The following OTOG variants were observed in gnomAD, a reference collection of about 807,000 sequenced individuals.
OTOG encodes otogelin.
In OTOG, 296 loss-of-function variants were observed where a neutral mutation model predicts 313.8. The observed-to-expected ratio is 0.94, with a 90% confidence interval of 0.86 to 1.04. OTOG has a LOEUF of 1.04. Among genes scored for constraint, OTOG ranks in the 50% least tolerant of loss-of-function variants. The pLI, the probability that OTOG is intolerant of heterozygous loss-of-function variation, is 0.00. For synonymous variants in OTOG, 1,533 were observed against 1,554.9 expected, an observed-to-expected ratio of 0.99 and a Z score of 0.33; for missense variants, 3,948 against 3,840.1, an observed-to-expected ratio of 1.03 and a Z score of -0.74.
intron 23 of OTOG, among the ~76,000 whole-genome samples, chr11:17,584,923 A>T (rs1016746906): frequency 5.3e-5 from 8 of 152,258 alleles, no homozygotes; most frequent in Admixed American, 3.3e-4. Flanking sequence ...ATCTTAAACC[A>T]GTCTTACATT....
chr11:17,640,508 C>T lies in OTOG; in HGVS notation c.7936-237C>T, dbSNP rs75694584. Reference sequence around the variant, plus strand: ...AAGGTGAGAAGTAGTGTGAGCCACCCGGGGCTCTGTCCCTCGCTGTGAAAG... The same window carrying T: ...AAGGTGAGAAGTAGTGTGAGCCACCTGGGGCTCTGTCCCTCGCTGTGAAAG... On this transcript the variant is annotated intron_variant, in intron 49 of 55. Transcript: ENST00000399397. 2.9e-4 allele frequency among the ~76,000 whole-genome samples: 44 copies of T among 152,330 alleles called. 1 individual carries two copies. Among genetic ancestry groups the T allele is most frequent in the East Asian group, 7.7e-4 (4 of 5,174 alleles).
intron 4 of OTOG, 81 bp from the exon 5 acceptor site, chr11:17,553,038 C>T (rs1409878027): frequency 2.3e-6 from 3 of 1,304,952 alleles, no homozygotes; most frequent in Non-Finnish European, 3.2e-6. Context: ...GGTCTGGATC[C>T]TGTGAAGCCT....
In OTOG at chr11:17,611,147, C is replaced by T. The variant is rs763746787; in HGVS notation, c.5847C>T (p.Pro1949=). 33 of 1,550,354 alleles carry T rather than the reference C, an allele frequency of 2.1e-5. No individual in the cohort carries two copies. Among genetic ancestry groups the T allele is most frequent in the Non-Finnish European group, 2.5e-5 (29 of 1,146,950 alleles). The change falls in exon 36 of 56, where the codon CCC becomes CCT. Residue 1949 remains proline (P), a synonymous_variant. Coordinates refer to ENST00000399397, the MANE Select transcript of OTOG (RefSeq NM_001292063.2). ...SHPLTPLVAE[P]EGAQAGTALP... Reference sequence around the variant, plus strand: ...CTCTCACGCCCTTGGTGGCTGAGCCCGAGGGAGCCCAGGCAGGCACAGCTC... The same window carrying T: ...CTCTCACGCCCTTGGTGGCTGAGCCTGAGGGAGCCCAGGCAGGCACAGCTC...
chr11:17,599,340 C>A (rs1314039212), intron 30 of OTOG, among the ~76,000 whole-genome samples: 1 of 152,214 alleles, frequency 6.6e-6, no homozygotes, highest in Non-Finnish European at 1.5e-5. Flanking sequence ...ACTCCCACTC[C>A]TTGGTTCTAA....
intron 6 of OTOG, among the ~76,000 whole-genome samples, chr11:17,555,002 T>C (rs1852022328): frequency 1.3e-5 from 2 of 152,234 alleles, no homozygotes; most frequent in South Asian, 2.1e-4. Flanking sequence ...GACCATGGGG[T>C]AGCTTTCACA....
chr11:17,612,721 G>A lies in OTOG; in HGVS notation c.6394G>A (p.Glu2132Lys), dbSNP rs555048192. ...AIYILSQSPD[E>K]MLTVHVLDCK... ...CTACATCCTCAGCCAGAGCCCAGAT[G>A]AAATGCTCACCGTCCATGTACTGGA... The change falls in exon 38 of 56, where the codon GAA becomes AAA. Residue 2132 changes from glutamate (E) to lysine (K), a missense_variant. Glu to Lys is a moderately conservative substitution (Grantham distance 56). Coordinates refer to ENST00000399397, the MANE Select transcript of OTOG (RefSeq NM_001292063.2). 19 of 1,550,486 alleles carry A rather than the reference G, an allele frequency of 1.2e-5. No homozygotes were observed. The highest frequency in any genetic ancestry group is 1.5e-5 in the Non-Finnish European group (17 of 1,146,990).
intron 54 of OTOG, among the ~76,000 whole-genome samples, chr11:17,645,223 G>T (rs1320661096): frequency 1.3e-5 from 2 of 152,196 alleles, no homozygotes; most frequent in African/African-American, 2.4e-5. Flanking sequence ...GGGTAAAGTG[G>T]CCAACACAGC....
intron 35 of OTOG, 66 bp downstream of exon 35, chr11:17,609,275 A>G: frequency 7.0e-7 from 1 of 1,422,670 alleles, no homozygotes; most frequent in Non-Finnish European, 9.7e-7. Flanking sequence ...CTCACTGAGC[A>G]GTCATGCCTC....
intron 3 of OTOG, among the ~76,000 whole-genome samples, chr11:17,550,457 C>A (rs1024600079): frequency 6.6e-6 from 1 of 152,108 alleles, no homozygotes; most frequent in Admixed American, 6.6e-5. Flanking sequence ...CTAAGGGGTT[C>A]GTGGCATAAA....
chr11:17,634,788 A>G (rs1854220182), intron 44 of OTOG, 56 bp from the exon 45 acceptor site: 12 of 1,420,124 alleles, frequency 8.4e-6, no homozygotes, highest in Non-Finnish European at 1.2e-5. Flanking sequence ...TCTCCACTGG[A>G]GAGCAGTGGG....
At chr11:17,613,961 C>T (rs779365488) in intron 39 of OTOG, among the ~76,000 whole-genome samples, 5 of 152,080 alleles carry the variant, frequency 3.3e-5, no homozygotes, top group Non-Finnish European at 5.9e-5. Flanking sequence ...GTCGGAAAGG[C>T]AAAGAGACAG....
At chr11:17,640,870 C>G in intron 50 of OTOG, 43 bp from the exon 51 acceptor site, 1 of 1,549,536 alleles carries the variant, frequency 6.5e-7, no homozygotes, top group Non-Finnish European at 8.7e-7. Context: ...GGCATGGGTG[C>G]CTGGGCTCTG....
chr11:17,577,377 C>G (rs1325328637), intron 22 of OTOG, among the ~76,000 whole-genome samples: 1 of 131,680 alleles, frequency 7.6e-6, no homozygotes, highest in African/African-American at 2.7e-5. Flanking sequence ...GAACAGTGGT[C>G]GTGGGATGGG....
At position 17,609,723 on chromosome 11, in the gene OTOG, T is replaced by G. The variant is rs1400421162; in HGVS notation, c.4423T>G (p.Leu1475Val). ...TGAGACCCTCCCTCCCAGTCAAGGG[T>G]TGCCCACTCCCAGTGATGAGGAGCC... Reference protein sequence around the residue: ...GNETLPPSQGLPTPSDEEPQL... With the variant: ...GNETLPPSQGVPTPSDEEPQL... The change falls in exon 36 of 56, where the codon TTG becomes GTG. Residue 1475 changes from leucine to valine, a missense_variant. By Grantham distance (32) the Leu-to-Val change is conservative (BLOSUM62 1). Transcript: ENST00000399397. The G allele has an allele frequency of 1.9e-6, 3 of 1,541,926 alleles. No individual in the cohort carries two copies. Among genetic ancestry groups the G allele is most frequent in the Non-Finnish European group, 2.6e-6 (3 of 1,142,496 alleles).
In OTOG at chr11:17,611,322, A is replaced by T; in HGVS notation, c.6022A>T (p.Thr2008Ser). ...LAAEPVDEAT[T>S]EPSGRSAPAL... ...AGCAGAGCCGGTGGACGAGGCCACC[A>T]CAGAACCATCTGGGCGCTCAGCCCC... The change falls in exon 36 of 56, where the codon ACA becomes TCA. Residue 2008 changes from threonine to serine, a missense_variant. Thr to Ser is a moderately conservative substitution (Grantham distance 58, BLOSUM62 1). Coordinates refer to ENST00000399397, the MANE Select transcript of OTOG (RefSeq NM_001292063.2). 1 of 1,550,538 alleles carries T rather than the reference A, an allele frequency of 6.4e-7. No individual in the cohort carries two copies. The highest frequency in any genetic ancestry group is 1.2e-5 in the South Asian group (1 of 84,046).
intron 15 of OTOG, among the ~76,000 whole-genome samples, chr11:17,568,798 G>C (rs1420370623): frequency 1.3e-5 from 2 of 152,192 alleles, no homozygotes; most frequent in African/African-American, 4.8e-5. Context: ...CCCACAAAGG[G>C]ATGAAATTAA....
At chr11:17,554,963 G>T (rs1394052936) in intron 6 of OTOG, among the ~76,000 whole-genome samples, 2 of 152,156 alleles carry the variant, frequency 1.3e-5, no homozygotes, top group Non-Finnish European at 2.9e-5. Context: ...GTAGGTCATG[G>T]TCACAAAAGC....
intron 6 of OTOG, among the ~76,000 whole-genome samples, chr11:17,553,997 A>G (rs1289349433): frequency 6.6e-6 from 1 of 152,224 alleles, no homozygotes; most frequent in Non-Finnish European, 1.5e-5. Context: ...AGCTTCCTGG[A>G]GAAAGTCACA....
intron 38 of OTOG, among the ~76,000 whole-genome samples, chr11:17,613,178 CTTTCTTTCTTTCTTTCT>C (rs1181359993): frequency 0.041 from 4,075 of 98,204 alleles, 124 homozygotes; most frequent in African/African-American, 0.049. Flanking sequence ...CCTTTTCTTT[CTTTCTTTCTTTCTTTCT>C]TTTCTTTCTT....
Sources: allele counts gnomAD v4.1 joint callset (sites outside exome capture counted in the v4.1 genomes callset), GRCh38; gene constraint gnomAD v4.1.1; transcripts MANE v1.5; gene names NCBI Gene and HGNC (gene_info 2026-07-23, HGNC 2026-07-21).